Variants in COL27A1 observed in about 807,000 individuals in gnomAD.
The protein encoded by COL27A1 is collagen alpha-1(XXVII) chain.
A neutral mutation model predicts 251.3 loss-of-function variants in COL27A1; 106 were observed. That is an observed-to-expected ratio of 0.42 (90% CI 0.36 to 0.50). The LOEUF (loss-of-function observed/expected upper bound fraction) is 0.50. Among genes scored for constraint, COL27A1 ranks in the 20% least tolerant of loss-of-function variants. COL27A1 has a pLI of 0.00. For synonymous variants in COL27A1, 1,000 were observed against 986.3 expected (o/e 1.01, Z -0.26); for missense variants, 2,325 against 2,522.8 (o/e 0.92, Z 1.68).
intron 4 of COL27A1, among the ~76,000 whole-genome samples, chr9:114,181,844 G>C (rs1827947113): frequency 1.3e-5 from 2 of 152,188 alleles, no homozygotes. Context: ...CAAATCTGCT[G>C]TATGACCTTG....
rs757891945 is a variant in COL27A1 at position 114,168,297 on chromosome 9, C to T, written c.742C>T (p.Pro248Ser). The T allele has an allele frequency of 6.2e-7, 1 of 1,613,382 alleles. No individual in the cohort carries two copies. The highest frequency in any genetic ancestry group is 2.2e-5 in the East Asian group (1 of 44,890). ...QADTYQSPLG[P>S]LFSQDSGRPF... ...TGACACGTACCAGTCCCCACTGGGA[C>T]CTCTCTTCTCCCAAGACTCTGGCAG... The change falls in exon 3 of 61, where the codon CCT becomes TCT. Residue 248 changes from proline to serine, a missense_variant. Pro to Ser is a moderately conservative substitution (Grantham distance 74). Transcript: ENST00000356083.
At chr9:114,226,113 C>T (rs530977630) in intron 14 of COL27A1, among the ~76,000 whole-genome samples, 13 of 152,252 alleles carry the variant, frequency 8.5e-5, no homozygotes, top group Non-Finnish European at 2.9e-5. Flanking sequence ...TCAACAAAGA[C>T]GATTTCTGTC....
At position 114,166,447 on chromosome 9, in the gene COL27A1, C is replaced by T. The variant is rs1848896169; in HGVS notation, c.134-1242C>T. ...TTCATCCATCCATCCATTCATCTAT[C>T]CATCCATCCATCCATCCATCCATCC... On this transcript the variant is annotated intron_variant, in intron 2 of 60. Coordinates refer to ENST00000356083, the MANE Select transcript of COL27A1 (RefSeq NM_032888.4). Among the ~76,000 whole-genome samples the T allele has an allele frequency of 4.6e-5, 7 of 151,010 alleles. No individual in the cohort carries two copies. In the South Asian group the frequency reaches 1.3e-3, roughly 27 times the overall value.
rs528872045 is a variant in COL27A1, at chr9:114,288,992, C to A, written c.4152+25C>A. On this transcript the variant is annotated intron_variant, in intron 44 of 60. Transcript: ENST00000356083. ...CGTGAGTGGTGCTTCGTGTCCCATCCCTGCCTCCCACCCTGAGTGGGGCGG... is the reference window on the plus strand; with the variant it reads ...CGTGAGTGGTGCTTCGTGTCCCATCACTGCCTCCCACCCTGAGTGGGGCGG... 2.5e-6 allele frequency: 4 copies of A among 1,613,086 alleles called. No individual in the cohort carries two copies. The South Asian group carries it at 4.4e-5, about 18-fold the overall frequency.
At chr9:114,164,959 T>C (rs547159162) in intron 2 of COL27A1, among the ~76,000 whole-genome samples, 2 of 152,278 alleles carry the variant, frequency 1.3e-5, no homozygotes, top group South Asian at 2.1e-4. Context: ...TCTTAGAACA[T>C]TGTAACACCT....
At chr9:114,195,298 TGCACTTA>T (rs1276801155) in intron 6 of COL27A1, among the ~76,000 whole-genome samples, 2 of 152,324 alleles carry the variant, frequency 1.3e-5, no homozygotes, top group South Asian at 2.1e-4. Context: ...GCTAGGTGTT[TGCACTTA>T]GCACATATTT....
In COL27A1 at chr9:114,168,915, A is replaced by G. The variant is rs1849100545; in HGVS notation, c.1360A>G (p.Ile454Val). 1 of 1,613,874 alleles carries G rather than the reference A, an allele frequency of 6.2e-7. No individual in the cohort carries two copies. Among genetic ancestry groups the G allele is most frequent in the Non-Finnish European group, 8.5e-7 (1 of 1,179,956 alleles). ...PPTTSSSKKPIPTLARTEAKI... is the reference protein window; with the variant it reads ...PPTTSSSKKPVPTLARTEAKI... Reference sequence around the variant, plus strand: ...TACCACCAGCTCCTCTAAAAAACCCATTCCCACACTAGCTCGGACTGAGGC... The same window carrying G: ...TACCACCAGCTCCTCTAAAAAACCCGTTCCCACACTAGCTCGGACTGAGGC... Residue 454 changes from isoleucine to valine, a missense_variant, in exon 3 of 61, where the codon ATT becomes GTT. Ile to Val is a conservative substitution (Grantham distance 29). Coordinates refer to ENST00000356083, the MANE Select transcript of COL27A1 (RefSeq NM_032888.4).
At chr9:114,299,955 A>T in intron 49 of COL27A1, 115 bp from the exon 50 acceptor site, 2 of 933,462 alleles carry the variant, frequency 2.1e-6, no homozygotes, top group Non-Finnish European at 1.7e-6. Context: ...CAGAGGAGTC[A>T]CTGATATCCC....
intron 16 of COL27A1, 138 bp downstream of exon 16, chr9:114,232,004 G>A (rs1056115726): frequency 2.4e-6 from 2 of 820,136 alleles, no homozygotes; most frequent in Non-Finnish European, 4.1e-6. Context: ...CCCTAAATCT[G>A]TGCTCCCTAG....
At chr9:114,297,522 CT>C (rs1828334756) in intron 49 of COL27A1, among the ~76,000 whole-genome samples, 1 of 152,178 alleles carries the variant, frequency 6.6e-6, no homozygotes, top group East Asian at 1.9e-4. Context: ...GCTGGTTCAA[CT>C]GTTGGAAATC....
rs913488031 is a variant in COL27A1, at chr9:114,249,010, C to T, written c.2980-1605C>T. 2.6e-5 allele frequency among the ~76,000 whole-genome samples: 4 copies of T among 152,266 alleles called. No homozygotes were observed. In the East Asian group the frequency reaches 7.7e-4, roughly 29 times the overall value. On this transcript the variant is annotated intron_variant, in intron 24 of 60. Coordinates refer to ENST00000356083, the MANE Select transcript of COL27A1 (RefSeq NM_032888.4). Reference sequence around the variant, plus strand: ...AGCGAACATGTATGAAGTACCTCTACGCATCGTGCACCATCTCCCGTATTC... The same window carrying T: ...AGCGAACATGTATGAAGTACCTCTATGCATCGTGCACCATCTCCCGTATTC...
In COL27A1 at chr9:114,292,532, G is replaced by T. The variant is rs1827996989; in HGVS notation, c.4584+322G>T. On this transcript the variant is annotated intron_variant, in intron 49 of 60. Transcript: ENST00000356083. ...TGTGCCTCACTGCCTTCATCCCCCT[G>T]TCCCAGAGGCTGCATTCAACTCACC... Among the ~76,000 whole-genome samples the T allele has an allele frequency of 2.0e-5, 3 of 152,156 alleles. No homozygotes were observed. The South Asian group carries it at 6.2e-4, about 32-fold the overall frequency.
At chr9:114,306,419 GAGATACCTCCC>G in intron 57 of COL27A1, 90 bp from the exon 58 acceptor site, 2 of 1,233,960 alleles carry the variant, frequency 1.6e-6, no homozygotes, top group South Asian at 1.4e-5. Context: ...CCGTGGAACC[GAGATACCTCCC>G]AGGTTGTGAG....
chr9:114,193,577 A>C (rs753933671), intron 5 of COL27A1, among the ~76,000 whole-genome samples: 61 of 152,080 alleles, frequency 4.0e-4, no homozygotes, highest in Admixed American at 1.4e-3. Flanking sequence ...GGCCCTAGAC[A>C]GTCCCTTTCC....
At chr9:114,158,552 T>G (rs1648609537) in intron 1 of COL27A1, among the ~76,000 whole-genome samples, 1 of 152,216 alleles carries the variant, frequency 6.6e-6, no homozygotes, top group Admixed American at 6.5e-5. Context: ...GCTCTGGTCT[T>G]CCTGACATTC....
rs532133180 is a variant in COL27A1, at chr9:114,216,623, G to A, written c.2368-3168G>A. ...AGGTGGTGAACATCAAGAACGTCTC[G>A]GGTCCTTTCATCCTTAGACCATCTG... On this transcript the variant is annotated intron_variant, in intron 12 of 60. Transcript: ENST00000356083. Among the ~76,000 whole-genome samples, 8 of 152,280 alleles carry A rather than the reference G, an allele frequency of 5.3e-5. No homozygotes were observed. The South Asian group carries it at 6.2e-4, about 12-fold the overall frequency.
intron 4 of COL27A1, among the ~76,000 whole-genome samples, chr9:114,180,530 T>A (rs1827820702): frequency 6.6e-6 from 1 of 152,200 alleles, no homozygotes; most frequent in Non-Finnish European, 1.5e-5. Context: ...GTTTCTAGAC[T>A]GGAAATTCCA....
At chr9:114,262,725 T>C (rs112122421) in intron 28 of COL27A1, among the ~76,000 whole-genome samples, 5,472 of 152,316 alleles carry the variant, frequency 0.036, 136 homozygotes, top group Non-Finnish European at 0.048. Context: ...GACCCCACAA[T>C]GGGCACCAGG....
Position 114,210,835 on chromosome 9 carries a change from G to A in COL27A1, c.2323-147G>A, listed in dbSNP as rs41307477. ...CCCGACCCTGCCATCCGTCTGATGT[G>A]CATGTCACTGGGGCCGCCACGCAAG... On this transcript the variant is annotated intron_variant, in intron 11 of 60. Transcript: ENST00000356083. 4,524 of 713,010 alleles carry A rather than the reference G, an allele frequency of 6.3e-3. 20 individuals carry two copies. Among genetic ancestry groups the A allele is most frequent in the Middle Eastern group, 0.012 (40 of 3,310 alleles). The allele number at this position is 713,010 out of a possible 1,614,324, so 44.2% of individuals were successfully genotyped here.
Sources: gnomAD v4.1 joint callset for allele counts (sites outside exome capture counted in the v4.1 genomes callset) on GRCh38, gnomAD v4.1.1 for gene constraint, MANE v1.5 for transcripts, NCBI Gene and HGNC (gene_info 2026-07-23, HGNC 2026-07-21) for gene names.